The following RNF38 variants were observed in gnomAD, a reference collection of about 807,000 sequenced individuals.
RNF38 encodes E3 ubiquitin-protein ligase RNF38.
RNF38 carries 15 observed loss-of-function variants against 67.2 expected under a neutral mutation model. That is an observed-to-expected ratio of 0.22 (90% CI 0.15 to 0.34). The LOEUF is 0.34. Ranked by LOEUF, RNF38 falls within the 10% of genes least tolerant of loss-of-function variation. The pLI, the probability that RNF38 is intolerant of heterozygous loss-of-function variation, is 1.00. For missense variants in RNF38, 524 were observed against 639.9 expected (o/e 0.82, Z 1.95); for synonymous variants, 220 against 218.8 (o/e 1.01, Z -0.05).
chr9:36,473,937 G>A (rs1840061180), intron 1 of RNF38, among the ~76,000 whole-genome samples: 1 of 145,914 alleles, frequency 6.9e-6, no homozygotes, highest in African/African-American at 2.5e-5. Flanking sequence ...AGCGAGCTGA[G>A]ATCATGCCAC....
At chr9:36,403,818 A>G (rs1275555164), upstream of RNF38, among the ~76,000 whole-genome samples, 1 of 152,206 alleles carries the variant, frequency 6.6e-6, no homozygotes, top group Non-Finnish European at 1.5e-5. Context: ...CTATTCTTCA[A>G]TGCTAAATCT....
At chr9:36,383,894 A>G (rs1371412125) in intron 2 of RNF38, among the ~76,000 whole-genome samples, 4 of 152,078 alleles carry the variant, frequency 2.6e-5, no homozygotes, top group Non-Finnish European at 5.9e-5. Context: ...AGTATAACGT[A>G]TTGCAATCAC....
At chr9:36,454,420 C>T (rs890744392) in intron 1 of RNF38, among the ~76,000 whole-genome samples, 27 of 151,834 alleles carry the variant, frequency 1.8e-4, no homozygotes, top group Admixed American at 1.6e-3. Context: ...TGAACCACCA[C>T]GCCCAGCCTC....
chr9:36,351,228 G>A, intron 8 of RNF38, 29 bp from the exon 9 acceptor site: 1 of 1,444,232 alleles, frequency 6.9e-7, no homozygotes, highest in Non-Finnish European at 9.7e-7. Flanking sequence ...CACTAGCATT[G>A]ATATGTTAGT....
chr9:36,483,205 G>T (rs1214300626), intron 1 of RNF38, among the ~76,000 whole-genome samples: 1 of 152,060 alleles, frequency 6.6e-6, no homozygotes, highest in Non-Finnish European at 1.5e-5. Context: ...GGCCAACATG[G>T]TGAAACCCCG....
At chr9:36,478,540 G>A (rs1023376575) in intron 1 of RNF38, among the ~76,000 whole-genome samples, 14 of 149,842 alleles carry the variant, frequency 9.3e-5, no homozygotes, top group South Asian at 8.5e-4. Context: ...AAGATTGGCC[G>A]GGCACGGTGG....
intron 2 of RNF38, among the ~76,000 whole-genome samples, chr9:36,407,632 G>A (rs1337071921): frequency 2.0e-5 from 3 of 152,140 alleles, no homozygotes; most frequent in African/African-American, 7.2e-5. Flanking sequence ...TGAGGCAACA[G>A]GCCTCCACTA....
chr9:36,422,032 G>A (rs900603453), intron 2 of RNF38, among the ~76,000 whole-genome samples: 6 of 152,070 alleles, frequency 3.9e-5, no homozygotes, highest in Admixed American at 6.6e-5. Context: ...AGGAGTTCGA[G>A]ACTAGCCTGG....
intron 10 of RNF38, among the ~76,000 whole-genome samples, chr9:36,344,352 T>C (rs1244558283): frequency 6.6e-6 from 1 of 152,188 alleles, no homozygotes; most frequent in Non-Finnish European, 1.5e-5. Context: ...TTTTATGGTA[T>C]GTAAATTATA....
Position 36,336,892 on chromosome 9 carries a change from C to T in RNF38, c.*2860G>A, listed in dbSNP as rs761387428. 1 of 152,152 alleles carries T rather than the reference C, an allele frequency of 6.6e-6. No homozygotes were observed. Among genetic ancestry groups the T allele is most frequent in the Non-Finnish European group, 1.5e-5 (1 of 68,022 alleles). The allele number at this position is 152,152 out of a possible 1,614,324, so 9.4% of individuals were successfully genotyped here. ...TATATAAAATCTAAATATGCTTTCACATTTTCCAGATTTTGCTCAAAAAAT... is the reference window on the plus strand; with the variant it reads ...TATATAAAATCTAAATATGCTTTCATATTTTCCAGATTTTGCTCAAAAAAT... On this transcript the variant is annotated 3_prime_UTR_variant, in exon 12 of 12. Transcript: ENST00000259605.
intron 3 of RNF38, chr9:36,372,566 A>C: frequency 1.4e-6 from 1 of 716,020 alleles, no homozygotes; most frequent in Non-Finnish European, 2.6e-6. Flanking sequence ...TTTCTGGGAG[A>C]AAATCTGGCA....
intron 4 of RNF38, among the ~76,000 whole-genome samples, chr9:36,359,852 TCTC>T (rs551543119): frequency 4.1e-4 from 63 of 152,022 alleles, no homozygotes; most frequent in African/African-American, 1.5e-3. Context: ...TTCAAGCAAT[TCTC>T]CTACCTTAGC....
At chr9:36,465,495 C>T (rs1049868644) in intron 1 of RNF38, among the ~76,000 whole-genome samples, 2 of 152,102 alleles carry the variant, frequency 1.3e-5, no homozygotes, top group Non-Finnish European at 1.5e-5. Flanking sequence ...TACAGGCATA[C>T]GCCACCACGC....
chr9:36,440,198 A>G (rs1300621227), intron 1 of RNF38, among the ~76,000 whole-genome samples: 1 of 152,178 alleles, frequency 6.6e-6, no homozygotes, highest in African/African-American at 2.4e-5. Flanking sequence ...GTGAGCTGAG[A>G]TCATGCCACT....
intron 4 of RNF38, among the ~76,000 whole-genome samples, chr9:36,366,176 C>T (rs1834941325): frequency 6.6e-6 from 1 of 151,928 alleles, no homozygotes; most frequent in Non-Finnish European, 1.5e-5. Context: ...TCCCAGGACC[C>T]TATCATTTAA....
exon 1 of RNF38, chr9:36,487,491 G>C: frequency 1.0e-6 from 1 of 977,110 alleles, no homozygotes; most frequent in Non-Finnish European, 1.2e-6. Flanking sequence ...GACTGAGGCT[G>C]AAAGTGCGCG....
chr9:36,441,988 AATG>A (rs1319551897), intron 1 of RNF38, among the ~76,000 whole-genome samples: 4 of 152,236 alleles, frequency 2.6e-5, no homozygotes, highest in African/African-American at 9.6e-5. Flanking sequence ...CTTAGACACT[AATG>A]ATAATTCTTT....
In RNF38 at chr9:36,475,125, A is replaced by T. The variant is rs559474817; in HGVS notation, n.241+12183T>A. Among the ~76,000 whole-genome samples the T allele has an allele frequency of 2.3e-5, 3 of 131,648 alleles. 1 individual carries two copies. In the South Asian group the frequency reaches 8.5e-4, roughly 37 times the overall value. The allele number at this position is 131,648 out of a possible 152,430, so 86.4% of individuals were successfully genotyped here. ...AGCACCATTTCACTCCAGCCTGGGC[A>T]ATAGAGTGAGACTCTGCCTCAAAAA... On this transcript the variant is annotated intron_variant and non_coding_transcript_variant, in intron 1 of 3. Transcript: ENST00000488058.
chr9:36,400,471 C>T, upstream of RNF38: 2 of 1,024,506 alleles, frequency 2.0e-6, no homozygotes, highest in Non-Finnish European at 2.3e-6. Flanking sequence ...TAGCCCAAGA[C>T]TCGGGCGCGG....
Sources: allele counts gnomAD v4.1 joint callset (sites outside exome capture counted in the v4.1 genomes callset), GRCh38; gene constraint gnomAD v4.1.1; transcripts MANE v1.5; gene names NCBI Gene and HGNC (gene_info 2026-07-23, HGNC 2026-07-21).